The following PRUNE2 variants were observed in gnomAD, a reference collection of about 807,000 sequenced individuals.
PRUNE2 encodes prune homolog 2 with BCH domain.
In PRUNE2, 164 loss-of-function variants were observed where a neutral mutation model predicts 252.0. The observed-to-expected ratio is 0.65, with a 90% CI of 0.57 to 0.74. PRUNE2 has a LOEUF of 0.74. Among genes scored for constraint, PRUNE2 ranks in the 30% least tolerant of loss-of-function variants. The pLI, the probability that PRUNE2 is intolerant of heterozygous loss-of-function variation, is 0.00. For missense variants in PRUNE2, 3,495 were observed against 3,711.0 expected (o/e 0.94, Z 1.51); for synonymous variants, 1,292 against 1,350.2 (o/e 0.96, Z 0.94).
chr9:76,853,030 G>A lies in PRUNE2; in HGVS notation c.141+1074C>T, dbSNP rs114860425. 1.0e-2 allele frequency among the ~76,000 whole-genome samples: 1,521 copies of A among 152,192 alleles called. 38 individuals carry two copies. The highest frequency in any genetic ancestry group is 0.035 in the African/African-American group (1,433 of 41,526). On this transcript the variant is annotated intron_variant, in intron 2 of 18. Transcript: ENST00000376718. ...CTAGATAAGTGACATTTTCTTCTAG[G>A]AGTCAAAATACCAGTTAACAAAATT...
intron 6 of PRUNE2, among the ~76,000 whole-genome samples, chr9:76,730,939 A>G (rs890352950): frequency 6.6e-6 from 1 of 152,150 alleles, no homozygotes; most frequent in African/African-American, 2.4e-5. Flanking sequence ...GGCAATCTGA[A>G]AGGAAACACC....
At position 76,783,060 on chromosome 9, in the gene PRUNE2, T is replaced by C. The variant is rs1165574470; in HGVS notation, c.756+40572A>G. Among the ~76,000 whole-genome samples the C allele has an allele frequency of 2.6e-5, 4 of 152,300 alleles. No homozygotes were observed. In the East Asian group the frequency reaches 5.8e-4, roughly 22 times the overall value. Reference sequence around the variant, plus strand: ...AAAACAGTCCACATAGTAGGTATTGTGGTGATTAAACAGAAAGGCACTGAA... The same window carrying C: ...AAAACAGTCCACATAGTAGGTATTGCGGTGATTAAACAGAAAGGCACTGAA... On this transcript the variant is annotated intron_variant, in intron 6 of 18. Coordinates refer to ENST00000376718, the MANE Select transcript of PRUNE2 (RefSeq NM_015225.3).
chr9:76,852,311 A>G (rs932629292), intron 2 of PRUNE2, among the ~76,000 whole-genome samples: 1 of 152,250 alleles, frequency 6.6e-6, no homozygotes, highest in Non-Finnish European at 1.5e-5. Flanking sequence ...GGAGGGTTCT[A>G]TCTAACTCCT....
At chr9:76,616,957 A>AAAATAAATAAATAAAT (rs200860262) in intron 18 of PRUNE2, among the ~76,000 whole-genome samples, 42 of 151,436 alleles carry the variant, frequency 2.8e-4, no homozygotes, top group East Asian at 9.7e-4. Flanking sequence ...GGGCTATTTA[A>AAAATAAATAAATAAAT]AAATAAATAA....
chr9:76,828,041 C>T (rs112660603), intron 4 of PRUNE2, among the ~76,000 whole-genome samples: 117 of 152,192 alleles, frequency 7.7e-4, no homozygotes, highest in African/African-American at 2.6e-3. Context: ...TTGAAGCTCA[C>T]GGGAGATTAG....
chr9:76,615,830 T>C (rs1039168935), intron 18 of PRUNE2, among the ~76,000 whole-genome samples: 11 of 128,196 alleles, frequency 8.6e-5, no homozygotes, highest in African/African-American at 3.2e-4. Flanking sequence ...AGCTCAGTGG[T>C]GCGATCTCGG....
chr9:76,753,685 C>T (rs10781378), intron 6 of PRUNE2, among the ~76,000 whole-genome samples: 66,009 of 151,846 alleles, frequency 0.43, 14,591 homozygotes, highest in Admixed American at 0.54. Flanking sequence ...GAGGCCGAGG[C>T]GGGCAGATCA....
At chr9:76,833,476 C>T (rs1432577690) in intron 4 of PRUNE2, among the ~76,000 whole-genome samples, 1 of 152,008 alleles carries the variant, frequency 6.6e-6, no homozygotes, top group East Asian at 1.9e-4. Flanking sequence ...TTATAAAAAC[C>T]AAATACAGGC....
At chr9:76,897,962 G>T (rs191762247) in intron 1 of PRUNE2, among the ~76,000 whole-genome samples, 1 of 152,062 alleles carries the variant, frequency 6.6e-6, no homozygotes, top group Non-Finnish European at 1.5e-5. Context: ...TTATTACTGT[G>T]CCTGGAGATC....
chr9:76,705,147 C>T lies in PRUNE2; in HGVS notation c.7127G>A (p.Gly2376Asp). 6.2e-7 allele frequency: 1 copy of T among 1,613,958 alleles called. No homozygotes were observed. The highest frequency in any genetic ancestry group is 8.5e-7 in the Non-Finnish European group (1 of 1,179,858). The part of the protein sequence containing the change: ...LREPEHFLYG[G>D]DPPLEEDSLK... The stretch of plus-strand genomic sequence containing the variant: ...AGAATCTTCCTCCAAAGGAGGGTCA[C>T]CACCATACAGGAAGTGTTCAGGCTC... The change falls in exon 8 of 19, where the codon GGT becomes GAT. Residue 2376 changes from glycine to aspartate, a missense_variant. Physicochemically the swap from Gly to Asp is moderately conservative, Grantham distance 94. Coordinates refer to ENST00000376718, the MANE Select transcript of PRUNE2 (RefSeq NM_015225.3).
intron 9 of PRUNE2, among the ~76,000 whole-genome samples, chr9:76,673,425 CAAA>C (rs1193323448): frequency 7.6e-6 from 1 of 132,338 alleles, no homozygotes; most frequent in Non-Finnish European, 1.6e-5. Context: ...GCTTACCAAC[CAAA>C]AAGAGTCCAG....
intron 6 of PRUNE2, among the ~76,000 whole-genome samples, chr9:76,720,094 T>C (rs1227697068): frequency 6.6e-6 from 1 of 151,514 alleles, no homozygotes; most frequent in Non-Finnish European, 1.5e-5. Context: ...CATAGAATGG[T>C]CACACAAAGG....
Position 76,644,745 on chromosome 9 carries a change from G to A in PRUNE2, c.8722C>T (p.His2908Tyr). 6.2e-7 allele frequency: 1 copy of A among 1,613,574 alleles called. No homozygotes were observed. Among genetic ancestry groups the A allele is most frequent in the Non-Finnish European group, 8.5e-7 (1 of 1,179,624 alleles). Residue 2908 changes from histidine to tyrosine, a missense_variant, in exon 12 of 19, where the codon CAC becomes TAC. Transcript: ENST00000376718. ...TCATGCTGAGCTCGACTACCTCCGT[G>A]AGAAATGACTCTCCTGTAGGGCTCG... ...VIEPYRRVIS[H>Y]GGYYGDGLNA...
intron 3 of PRUNE2, among the ~76,000 whole-genome samples, chr9:76,846,887 C>T (rs755797524): frequency 1.1e-4 from 16 of 152,150 alleles, no homozygotes; most frequent in African/African-American, 3.9e-4. Context: ...TCTTAAAATA[C>T]GTACATACCT....
At chr9:76,846,437 C>T (rs2059672980) in intron 4 of PRUNE2, 78 bp downstream of exon 4, 6 of 1,245,958 alleles carry the variant, frequency 4.8e-6, no homozygotes, top group African/African-American at 3.0e-5. Flanking sequence ...AAGAATGGAT[C>T]GCATTCTTTC....
At chr9:76,853,282 AG>A (rs2060068840) in intron 2 of PRUNE2, among the ~76,000 whole-genome samples, 1 of 152,216 alleles carries the variant, frequency 6.6e-6, no homozygotes, top group Admixed American at 6.5e-5. Context: ...ACTTTAGACC[AG>A]CTCTGCCTAC....
At chr9:76,894,406 C>CT (rs2062684056) in intron 1 of PRUNE2, among the ~76,000 whole-genome samples, 1 of 152,168 alleles carries the variant, frequency 6.6e-6, no homozygotes, top group African/African-American at 2.4e-5. Flanking sequence ...CCCCTTCTTG[C>CT]CTCCTTGGAG....
intron 4 of PRUNE2, among the ~76,000 whole-genome samples, chr9:76,830,107 G>C (rs1366700386): frequency 6.6e-6 from 1 of 152,186 alleles, no homozygotes; most frequent in African/African-American, 2.4e-5. Flanking sequence ...CAGCAGATTA[G>C]ATGCATGGGG....
chr9:76,820,613 C>T (rs1315211601), intron 6 of PRUNE2, among the ~76,000 whole-genome samples: 5 of 152,218 alleles, frequency 3.3e-5, no homozygotes, highest in Non-Finnish European at 7.3e-5. Flanking sequence ...TCTTCATTCC[C>T]ATATCCCCGA....
Sources: gnomAD v4.1 joint callset for allele counts (sites outside exome capture counted in the v4.1 genomes callset) on GRCh38, gnomAD v4.1.1 for gene constraint, MANE v1.5 for transcripts, NCBI Gene and HGNC (gene_info 2026-07-23, HGNC 2026-07-21) for gene names.